Variants in USP25 observed in about 807,000 individuals in gnomAD.
USP25 encodes the protein ubiquitin specific peptidase 25, also known as ubiquitin carboxyl-terminal hydrolase 25.
A neutral mutation model predicts 158.5 loss-of-function variants in USP25; 85 were observed. The observed-to-expected ratio is 0.54, with a 90% CI of 0.45 to 0.64. The LOEUF (loss-of-function observed/expected upper bound fraction) is 0.64, where lower values mean the gene tolerates loss of function less well. USP25 is among the 30% of genes least tolerant of loss of function. The pLI, the probability that USP25 is intolerant of heterozygous loss-of-function variation, is 0.00. For synonymous variants in USP25, 464 were observed against 460.4 expected (o/e 1.01, Z -0.10); for missense variants, 1,242 against 1,327.3 (o/e 0.94, Z 1.00).
chr21:15,867,763 T>C (rs1481728291), intron 22 of USP25, among the ~76,000 whole-genome samples: 1 of 152,104 alleles, frequency 6.6e-6, no homozygotes, highest in African/African-American at 2.4e-5. Flanking sequence ...TACAATAGTA[T>C]CTGAAACTAT....
intron 1 of USP25, among the ~76,000 whole-genome samples, chr21:15,749,910 T>C (rs551572268): frequency 6.6e-6 from 1 of 152,332 alleles, no homozygotes; most frequent in Non-Finnish European, 1.5e-5. Flanking sequence ...TATTTGGTCT[T>C]TTTCCCTTGT....
chr21:15,824,642 A>G (rs1023400567), intron 11 of USP25, among the ~76,000 whole-genome samples: 3 of 151,482 alleles, frequency 2.0e-5, no homozygotes, highest in African/African-American at 7.3e-5. Context: ...TTTGAGACAG[A>G]GTCTTGCTCT....
chr21:15,811,282 C>A, intron 9 of USP25, 72 bp downstream of exon 9: 1 of 1,382,386 alleles, frequency 7.2e-7, no homozygotes, highest in Non-Finnish European at 1.0e-6. Context: ...TCGATAGTTA[C>A]TATTTTTTTA....
chr21:15,755,421 C>T lies in USP25; in HGVS notation c.46-7470C>T, dbSNP rs1209122067. Reference sequence around the variant, plus strand: ...TTACCATTTTATAAGTATTTTACATCAACATAATAGTGGATTTTTGCACTG... The same window carrying T: ...TTACCATTTTATAAGTATTTTACATTAACATAATAGTGGATTTTTGCACTG... On this transcript the variant is annotated intron_variant, in intron 1 of 25. Transcript: ENST00000400183. 2.0e-5 allele frequency among the ~76,000 whole-genome samples: 3 copies of T among 152,160 alleles called. No homozygotes were observed. The East Asian group carries it at 5.8e-4, about 29-fold the overall frequency.
intron 6 of USP25, among the ~76,000 whole-genome samples, chr21:15,800,117 G>A (rs545316374): frequency 6.6e-6 from 1 of 151,148 alleles, no homozygotes; most frequent in African/African-American, 2.4e-5. Context: ...AAACTTTATA[G>A]GCTATAGTTT....
chr21:15,765,791 T>G (rs2034005183), intron 2 of USP25, among the ~76,000 whole-genome samples: 1 of 152,084 alleles, frequency 6.6e-6, no homozygotes. Context: ...ATTGTATCAG[T>G]AGTTTTAATT....
chr21:15,808,775 G>C lies in USP25; in HGVS notation c.781-34G>C, dbSNP rs150418250. 5.0e-3 allele frequency: 7,628 copies of C among 1,531,996 alleles called. 33 individuals are homozygous for C. The highest frequency in any genetic ancestry group is 6.2e-3 in the Non-Finnish European group (6,994 of 1,136,704). 94.9% of individuals were successfully genotyped at this position (1,531,996 alleles called of 1,614,324 possible). ...ACATCTAGTATTTTTTTTTTAGTAG[G>C]CTCAAATATCAACAGGCTTTTTTCT... On this transcript the variant is annotated intron_variant, in intron 7 of 25. Transcript: ENST00000400183.
At chr21:15,873,825 G>GT (rs2146603124) in intron 23 of USP25, among the ~76,000 whole-genome samples, 1 of 152,072 alleles carries the variant, frequency 6.6e-6, no homozygotes, top group African/African-American at 2.4e-5. Flanking sequence ...CAGGCTTTTT[G>GT]TTTTTGCTTT....
At chr21:15,874,861 T>C (rs1260922159) in intron 24 of USP25, among the ~76,000 whole-genome samples, 1 of 152,166 alleles carries the variant, frequency 6.6e-6, no homozygotes, top group African/African-American at 2.4e-5. Context: ...AAAAAATGTT[T>C]TATGTAAGTC....
chr21:15,832,168 C>G (rs545874016), intron 16 of USP25, among the ~76,000 whole-genome samples: 1 of 152,296 alleles, frequency 6.6e-6, no homozygotes, highest in East Asian at 1.9e-4. Flanking sequence ...ATTTCTTGAT[C>G]TGCCAAAAAG....
At chr21:15,770,217 T>G (rs2034275977) in intron 3 of USP25, among the ~76,000 whole-genome samples, 1 of 152,056 alleles carries the variant, frequency 6.6e-6, no homozygotes, top group Non-Finnish European at 1.5e-5. Flanking sequence ...GTAACTTCAG[T>G]TTTTCCCTAG....
chr21:15,859,147 A>G (rs1004684819), intron 20 of USP25, among the ~76,000 whole-genome samples: 23 of 148,274 alleles, frequency 1.6e-4, no homozygotes, highest in African/African-American at 4.6e-4. Context: ...ATATATCTAT[A>G]TTATATAGCC....
intron 20 of USP25, among the ~76,000 whole-genome samples, chr21:15,852,177 T>C (rs989042341): frequency 3.9e-5 from 6 of 152,166 alleles, no homozygotes; most frequent in African/African-American, 1.4e-4. Context: ...CTGTGCTCTT[T>C]GTCAGATGTT....
Position 15,827,200 on chromosome 21 carries a change from A to G in USP25, c.1690A>G (p.Arg564Gly). The G allele has an allele frequency of 1.2e-6, 2 of 1,613,208 alleles. No individual in the cohort carries two copies. The highest frequency in any genetic ancestry group is 1.7e-6 in the Non-Finnish European group (2 of 1,179,236). The change falls in exon 14 of 26, where the codon AGA (arginine) becomes GGA (glycine). Residue 564 changes from arginine (R) to glycine (G), a missense_variant. Coordinates refer to ENST00000400183, the MANE Select transcript of USP25 (RefSeq NM_001283041.3). ...RWRTEIENDT[R>G]DLQESISRIH... ...GAGGACAGAAATAGAAAATGACACC[A>G]GAGGTAAGAAGTGTCTCATAGCATG...
At chr21:15,818,627 T>C (rs1230024545) in intron 9 of USP25, 71 bp from the exon 10 acceptor site, 1 of 1,355,700 alleles carries the variant, frequency 7.4e-7, no homozygotes, top group African/African-American at 1.5e-5. Context: ...CAGGTGAGAA[T>C]CCTTACGTAC....
chr21:15,799,007 C>T (rs139582550), intron 5 of USP25, among the ~76,000 whole-genome samples: 181 of 151,348 alleles, frequency 1.2e-3, no homozygotes, highest in Admixed American at 0.011. Flanking sequence ...ACATTTTACA[C>T]ATACACAAGT....
chr21:15,773,670 A>G (rs1211121425), intron 3 of USP25, among the ~76,000 whole-genome samples: 3 of 152,112 alleles, frequency 2.0e-5, no homozygotes, highest in Non-Finnish European at 4.4e-5. Flanking sequence ...GATTCTTGTT[A>G]TTTTTGCTCT....
chr21:15,765,801 TAGTA>T (rs896129235), intron 2 of USP25, among the ~76,000 whole-genome samples, 192 bp from the exon 3 acceptor site: 13 of 152,050 alleles, frequency 8.5e-5, no homozygotes, highest in African/African-American at 3.1e-4. Flanking sequence ...TAGTTTTAAT[TAGTA>T]AGAAAGGTAT....
intron 5 of USP25, among the ~76,000 whole-genome samples, chr21:15,794,356 T>C (rs1260656946): frequency 6.6e-6 from 1 of 151,708 alleles, no homozygotes; most frequent in Non-Finnish European, 1.5e-5. Context: ...TTTTGGCTGC[T>C]GGCAACATTA....
Sources: allele counts gnomAD v4.1 joint callset (sites outside exome capture counted in the v4.1 genomes callset), GRCh38; gene constraint gnomAD v4.1.1; transcripts MANE v1.5; gene names NCBI Gene and HGNC (gene_info 2026-07-23, HGNC 2026-07-21).